Variants in MEIKIN observed in about 807,000 individuals in gnomAD.
MEIKIN encodes meiotic kinetochore factor.
chr5:131,912,539 T>C (rs1291070564), intron 7 of MEIKIN, among the ~76,000 whole-genome samples: 1 of 152,120 alleles, frequency 6.6e-6, no homozygotes, highest in African/African-American at 2.4e-5. Flanking sequence ...TCTGAGTCCG[T>C]AGCAAGAAAA....
At chr5:131,869,891 C>G (rs1750455330) in intron 9 of MEIKIN, among the ~76,000 whole-genome samples, 2 of 152,216 alleles carry the variant, frequency 1.3e-5, no homozygotes, top group African/African-American at 4.8e-5. Context: ...CTGTCTGTCT[C>G]TTCAATATTT....
At position 131,896,135 on chromosome 5, in the gene MEIKIN, C is replaced by T. The variant is rs1381468255; in HGVS notation, c.703+15680G>A. Reference sequence around the variant, plus strand: ...AACATCTTTATTTCTGCCTTGATTTCGTTATTTACCCAGTAGTCATTCAGG... The same window carrying T: ...AACATCTTTATTTCTGCCTTGATTTTGTTATTTACCCAGTAGTCATTCAGG... On this transcript the variant is annotated intron_variant, in intron 8 of 12. Transcript: ENST00000442687. Among the ~76,000 whole-genome samples, 11 of 152,206 alleles carry T rather than the reference C, an allele frequency of 7.2e-5. No homozygotes were observed. The South Asian group carries it at 8.3e-4, about 11-fold the overall frequency.
intron 8 of MEIKIN, among the ~76,000 whole-genome samples, chr5:131,889,938 T>C (rs1302055926): frequency 6.6e-6 from 1 of 152,228 alleles, no homozygotes; most frequent in East Asian, 1.9e-4. Context: ...TTGAATTTTG[T>C]CAAAGGCCTT....
intron 8 of MEIKIN, among the ~76,000 whole-genome samples, chr5:131,905,526 G>A (rs1295946912): frequency 6.6e-6 from 1 of 151,954 alleles, no homozygotes; most frequent in African/African-American, 2.4e-5. Context: ...GAATTAATCT[G>A]ATAGACCACT....
intron 8 of MEIKIN, among the ~76,000 whole-genome samples, chr5:131,892,921 T>C (rs1369095306): frequency 6.6e-6 from 1 of 152,192 alleles, no homozygotes; most frequent in African/African-American, 2.4e-5. Flanking sequence ...GTTTGTTAGT[T>C]TTCCTTCTAA....
intron 9 of MEIKIN, among the ~76,000 whole-genome samples, chr5:131,877,103 A>T (rs1438018050): frequency 6.6e-6 from 1 of 152,158 alleles, no homozygotes; most frequent in Non-Finnish European, 1.5e-5. Flanking sequence ...CATATGTAAC[A>T]AACCTGCACA....
At chr5:131,925,529 T>C (rs1349164898) in intron 5 of MEIKIN, among the ~76,000 whole-genome samples, 1 of 152,228 alleles carries the variant, frequency 6.6e-6, no homozygotes, top group Admixed American at 6.5e-5. Flanking sequence ...TTGATGATAT[T>C]GTAAATGAGA....
At chr5:131,873,908 GA>G (rs1750557873) in intron 9 of MEIKIN, among the ~76,000 whole-genome samples, 2 of 152,286 alleles carry the variant, frequency 1.3e-5, no homozygotes, top group African/African-American at 4.8e-5. Context: ...GGTAAATAAT[GA>G]AATCAAGGCA....
At chr5:131,851,530 C>T (rs1377542202) in intron 10 of MEIKIN, 147 bp from the exon 11 acceptor site, 2 of 386,966 alleles carry the variant, frequency 5.2e-6, no homozygotes, top group East Asian at 3.7e-5. Flanking sequence ...TCTGAATAAA[C>T]GTAATTACTG....
At chr5:131,866,191 G>A (rs1322426377) in intron 9 of MEIKIN, among the ~76,000 whole-genome samples, 3 of 152,232 alleles carry the variant, frequency 2.0e-5, no homozygotes, top group Admixed American at 6.5e-5. Context: ...TGGGCAGGCT[G>A]GTTTCCAGAT....
intron 8 of MEIKIN, among the ~76,000 whole-genome samples, chr5:131,905,895 G>A (rs759928796): frequency 2.0e-5 from 3 of 151,894 alleles, no homozygotes; most frequent in Admixed American, 1.3e-4. Context: ...GATTAAAGAC[G>A]TATATCTAAG....
chr5:131,809,061 T>TCAAACAAA (rs34464164), intron 12 of MEIKIN, among the ~76,000 whole-genome samples: 1 of 151,212 alleles, frequency 6.6e-6, no homozygotes, highest in Non-Finnish European at 1.5e-5. Flanking sequence ...ACACTCTGTC[T>TCAAACAAA]CAAACAAACA....
chr5:131,900,977 T>C lies in MEIKIN; in HGVS notation c.703+10838A>G, dbSNP rs531100405. Among the ~76,000 whole-genome samples, 12 of 152,236 alleles carry C rather than the reference T, an allele frequency of 7.9e-5. No homozygotes were observed. In the East Asian group the frequency reaches 2.3e-3, roughly 29 times the overall value. On this transcript the variant is annotated intron_variant, in intron 8 of 12. Transcript: ENST00000442687. The stretch of plus-strand genomic sequence containing the variant: ...CTTTGCTTGCACATGTATGCATGGG[T>C]GGACCTTGCTGTGCACCCCACCCAC...
chr5:131,843,395 T>C (rs1393696773), intron 11 of MEIKIN, among the ~76,000 whole-genome samples: 1 of 152,252 alleles, frequency 6.6e-6, no homozygotes, highest in Non-Finnish European at 1.5e-5. Context: ...AAATTTTCCA[T>C]ACTTTTATGC....
At chr5:131,848,426 T>C (rs1047646623) in intron 11 of MEIKIN, among the ~76,000 whole-genome samples, 3 of 152,024 alleles carry the variant, frequency 2.0e-5, no homozygotes, top group Non-Finnish European at 4.4e-5. Flanking sequence ...ATAACCTAGA[T>C]GAAATAAACA....
At chr5:131,808,432 C>G (rs1175591348) in intron 12 of MEIKIN, among the ~76,000 whole-genome samples, 1 of 152,174 alleles carries the variant, frequency 6.6e-6, no homozygotes, top group Admixed American at 6.5e-5. Flanking sequence ...ACTAGAGACC[C>G]AAAAGTCATC....
At chr5:131,931,100 T>C (rs868224509) in intron 5 of MEIKIN, among the ~76,000 whole-genome samples, 2 of 152,206 alleles carry the variant, frequency 1.3e-5, no homozygotes, top group Non-Finnish European at 2.9e-5. Context: ...CAGTCTGGCA[T>C]TGTACAGAAG....
chr5:131,930,030 A>G (rs769492501), intron 5 of MEIKIN, among the ~76,000 whole-genome samples: 3 of 152,150 alleles, frequency 2.0e-5, no homozygotes, highest in Non-Finnish European at 4.4e-5. Flanking sequence ...TTCCTTTGGA[A>G]ATATATCCAG....
At chr5:131,808,967 G>A (rs1033777291) in intron 12 of MEIKIN, among the ~76,000 whole-genome samples, 2 of 152,124 alleles carry the variant, frequency 1.3e-5, no homozygotes, top group South Asian at 2.1e-4. Context: ...TCCTAGCTAC[G>A]TGGCAGAATC....
Sources: allele counts gnomAD v4.1 joint callset (sites outside exome capture counted in the v4.1 genomes callset), GRCh38; gene constraint gnomAD v4.1.1; transcripts MANE v1.5; gene names NCBI Gene and HGNC (gene_info 2026-07-23, HGNC 2026-07-21).